The following PCM1 variants were observed in gnomAD, a reference collection of about 807,000 sequenced individuals.
PCM1 encodes the protein pericentriolar material 1 protein.
A neutral mutation model predicts 241.9 loss-of-function variants in PCM1; 157 were observed. The observed-to-expected ratio is 0.65, with a 90% CI of 0.57 to 0.74. PCM1 has a LOEUF of 0.74. Ranked by LOEUF, PCM1 falls within the 30% of genes least tolerant of loss-of-function variation. The pLI is 0.00. For missense variants in PCM1, 3,478 were observed against 2,360.1 expected, an observed-to-expected ratio of 1.47 and a Z score of -9.81; for synonymous variants, 1,085 against 784.9, an observed-to-expected ratio of 1.38 and a Z score of -6.39.
intron 2 of PCM1, chr8:17,925,079 T>C (rs1026301654): frequency 1.3e-5 from 2 of 152,276 alleles, no homozygotes; most frequent in African/African-American, 2.4e-5. Context: ...GAATTTGTCC[T>C]ATAACTGGAT....
Position 18,029,005 on chromosome 8 carries a change from G to T in PCM1, c.*1343G>T, listed in dbSNP as rs146348644. On this transcript the variant is annotated 3_prime_UTR_variant, in exon 39 of 39. Coordinates refer to ENST00000325083, the MANE Select transcript of PCM1 (RefSeq NM_006197.4). ...GTCTCTACTAAAAATAAAAAAATTA[G>T]CTGGGAGAGGTGGCACGTGCCTGTA... The T allele has an allele frequency of 4.0e-3, 716 of 177,156 alleles. 4 individuals are homozygous for T. Among genetic ancestry groups the T allele is most frequent in the Middle Eastern group, 0.02 (9 of 460 alleles). The allele number at this position is 177,156 out of a possible 1,614,324, so 11.0% of individuals were successfully genotyped here.
intron 33 of PCM1, 70 bp from the exon 34 acceptor site, chr8:18,011,597 G>A (rs546882620): frequency 1.5e-6 from 2 of 1,361,798 alleles, no homozygotes; most frequent in Admixed American, 2.3e-5. Flanking sequence ...ATGCAGGAAT[G>A]CAGTAAGTGG....
chr8:18,014,242 A>G (rs1354065109), intron 35 of PCM1, among the ~76,000 whole-genome samples: 7 of 152,154 alleles, frequency 4.6e-5, no homozygotes, highest in African/African-American at 1.4e-4. Context: ...AAAGGTGACA[A>G]ATATTTACCT....
chr8:18,004,367 T>C (rs958114663), intron 29 of PCM1, among the ~76,000 whole-genome samples: 1 of 152,206 alleles, frequency 6.6e-6, no homozygotes, highest in African/African-American at 2.4e-5. Context: ...ACTCATTTAA[T>C]AGGTTTTCCA....
intron 29 of PCM1, among the ~76,000 whole-genome samples, chr8:18,001,037 A>AG: frequency 6.6e-6 from 1 of 152,222 alleles, no homozygotes; most frequent in Non-Finnish European, 1.5e-5. Context: ...TATAGCATAT[A>AG]GCTGCTGCCT....
At chr8:17,999,109 T>C (rs894273128) in intron 29 of PCM1, among the ~76,000 whole-genome samples, 1 of 152,054 alleles carries the variant, frequency 6.6e-6, no homozygotes, top group African/African-American at 2.4e-5. Context: ...GTTCTCGAAT[T>C]GCGGATCCCA....
At chr8:17,969,487 G>T (rs2076143838) in intron 21 of PCM1, 90 bp from the exon 22 acceptor site, 3 of 933,504 alleles carry the variant, frequency 3.2e-6, no homozygotes, top group South Asian at 1.6e-5. Context: ...GGATTTGAAT[G>T]ACATGTTTAA....
At chr8:18,022,797 C>T (rs2093862230) in intron 36 of PCM1, among the ~76,000 whole-genome samples, 2 of 152,150 alleles carry the variant, frequency 1.3e-5, no homozygotes, top group Non-Finnish European at 2.9e-5. Context: ...CACCATGATA[C>T]CCTTGACTAT....
chr8:17,949,661 C>T (rs1038304536), intron 7 of PCM1, among the ~76,000 whole-genome samples: 4 of 152,070 alleles, frequency 2.6e-5, no homozygotes, highest in African/African-American at 4.8e-5. Context: ...CCACGCCGGG[C>T]TAATTTTTGT....
intron 29 of PCM1, among the ~76,000 whole-genome samples, chr8:18,000,523 A>T (rs1336308152): frequency 6.6e-6 from 1 of 151,984 alleles, no homozygotes; most frequent in Non-Finnish European, 1.5e-5. Flanking sequence ...ACTAATGGGT[A>T]GAGTGTCGAG....
intron 13 of PCM1, among the ~76,000 whole-genome samples, chr8:17,959,145 G>A (rs897018451): frequency 2.0e-5 from 3 of 151,810 alleles, no homozygotes; most frequent in African/African-American, 7.3e-5. Context: ...ACGTTTTGTG[G>A]TATGTTTCTT....
chr8:17,992,193 T>C (rs1360345596), intron 28 of PCM1, among the ~76,000 whole-genome samples: 1 of 152,262 alleles, frequency 6.6e-6, no homozygotes, highest in Non-Finnish European at 1.5e-5. Flanking sequence ...CAGATTGTGC[T>C]GCTATAAACA....
chr8:17,966,342 G>C lies in PCM1; in HGVS notation c.3090G>C (p.Leu1030=), dbSNP rs1043426406. 2 of 1,613,794 alleles carry C rather than the reference G, an allele frequency of 1.2e-6. No individual in the cohort carries two copies. The highest frequency in any genetic ancestry group is 1.7e-6 in the Non-Finnish European group (2 of 1,179,780). The change falls in exon 20 of 39, where the codon CTG becomes CTC. Residue 1030 remains leucine, a synonymous_variant. Coordinates refer to ENST00000325083, the MANE Select transcript of PCM1 (RefSeq NM_006197.4). Reference sequence around the variant, plus strand: ...TCTTTCAATAGACTCTATCTTGTCTGCTACAAACTCTTCTCACGGGTCCTT... The same window carrying C: ...TCTTTCAATAGACTCTATCTTGTCTCCTACAAACTCTTCTCACGGGTCCTT... ...LMQDQQTLSC[L]LQTLLTGPYS... is the part of the protein sequence containing the mutation.
chr8:17,993,615 T>C lies in PCM1; in HGVS notation c.4823T>C (p.Leu1608Ser). 3 of 1,579,358 alleles carry C rather than the reference T, an allele frequency of 1.9e-6. No individual in the cohort carries two copies. Among genetic ancestry groups the C allele is most frequent in the Non-Finnish European group, 2.6e-6 (3 of 1,162,140 alleles). Residue 1608 changes from leucine (L) to serine (S), a missense_variant, in exon 29 of 39, where the codon TTG becomes TCG. Physicochemically the swap from Leu to Ser is moderately radical, Grantham distance 145. Transcript: ENST00000325083. ...ATTATGAAAGAAGTCATTCCTTTTTTGAAGGTAAGCAATTATTTTAAAAAA... is the reference window on the plus strand; with the variant it reads ...ATTATGAAAGAAGTCATTCCTTTTTCGAAGGTAAGCAATTATTTTAAAAAA... ...KAIMKEVIPFLKEHMDEVCSS... is the reference protein window; with the variant it reads ...KAIMKEVIPFSKEHMDEVCSS...
intron 29 of PCM1, 66 bp from the exon 30 acceptor site, chr8:18,006,197 T>C: frequency 7.9e-7 from 1 of 1,273,466 alleles, no homozygotes; most frequent in Middle Eastern, 1.9e-4. Flanking sequence ...TTGTATTATA[T>C]GGATTGATTT....
In PCM1 at chr8:17,956,774, T is replaced by C. The variant is rs2068688518; in HGVS notation, c.1643T>C (p.Ile548Thr). 1 of 1,605,088 alleles carries C rather than the reference T, an allele frequency of 6.2e-7. No homozygotes were observed. Among genetic ancestry groups the C allele is most frequent in the Non-Finnish European group, 8.5e-7 (1 of 1,174,604 alleles). The part of the protein sequence containing the change: ...EHENSEPVTN[I>T]RNPQVASTWN... ...GAAAATTCCGAGCCTGTTACTAACATTCGGTAAGAACTTTTCTGGGGATGT... is the reference window on the plus strand; with the variant it reads ...GAAAATTCCGAGCCTGTTACTAACACTCGGTAAGAACTTTTCTGGGGATGT... Residue 548 changes from isoleucine (I) to threonine (T), a missense_variant, in exon 11 of 39, where the codon ATT (isoleucine) becomes ACT (threonine). Ile to Thr is a moderately conservative substitution (Grantham distance 89). Coordinates refer to ENST00000325083, the MANE Select transcript of PCM1 (RefSeq NM_006197.4).
chr8:17,973,136 G>A (rs987608633), intron 23 of PCM1, among the ~76,000 whole-genome samples: 6 of 152,004 alleles, frequency 3.9e-5, no homozygotes, highest in Admixed American at 6.6e-5. Flanking sequence ...AAAACAGGCT[G>A]GCTTAAGTCC....
At chr8:17,945,087 A>G (rs976341858) in intron 6 of PCM1, among the ~76,000 whole-genome samples, 3 of 151,786 alleles carry the variant, frequency 2.0e-5, no homozygotes, top group Non-Finnish European at 4.4e-5. Context: ...TACCTATTTG[A>G]TTTGGTTTTA....
intron 28 of PCM1, 122 bp downstream of exon 28, chr8:17,991,822 A>G: frequency 1.6e-6 from 1 of 623,518 alleles, no homozygotes; most frequent in Non-Finnish European, 2.7e-6. Context: ...TATACACTGT[A>G]CCCAGTGTGT....
Sources: gnomAD v4.1 joint callset for allele counts (sites outside exome capture counted in the v4.1 genomes callset) on GRCh38, gnomAD v4.1.1 for gene constraint, MANE v1.5 for transcripts, NCBI Gene and HGNC (gene_info 2026-07-23, HGNC 2026-07-21) for gene names.